NPC1: variants seen among roughly 807,000 people sequenced by gnomAD.
NPC1 encodes the protein NPC intracellular cholesterol transporter 1.
A neutral mutation model predicts 140.4 loss-of-function variants in NPC1; 85 were observed. That is an observed-to-expected ratio of 0.61 (90% CI 0.51 to 0.72). The LOEUF is 0.72. Ranked by LOEUF, NPC1 falls within the 30% of genes least tolerant of loss-of-function variation. The pLI, the probability that NPC1 is intolerant of heterozygous loss-of-function variation, is 0.00. For synonymous variants in NPC1, 656 were observed against 624.8 expected (o/e 1.05, Z -0.74); for missense variants, 1,504 against 1,623.8 (o/e 0.93, Z 1.27).
chr18:23,543,994 T>C (rs2058748632), intron 13 of NPC1, among the ~76,000 whole-genome samples: 1 of 152,212 alleles, frequency 6.6e-6, no homozygotes, highest in Admixed American at 6.5e-5. Context: ...TATACTATGC[T>C]GAACATCATT....
At chr18:23,539,319 A>G in intron 19 of NPC1, 36 bp downstream of exon 19, 1 of 1,487,710 alleles carries the variant, frequency 6.7e-7, no homozygotes, top group South Asian at 1.1e-5. Context: ...AAAATTTTTC[A>G]GCAAAACAGG....
intron 3 of NPC1, among the ~76,000 whole-genome samples, chr18:23,511,893 C>T (rs1023595772): frequency 4.6e-5 from 7 of 151,996 alleles, no homozygotes; most frequent in African/African-American, 7.2e-5. Flanking sequence ...GAACCAGTAT[C>T]GCCAAATTTC....
chr18:23,571,949 A>C (rs537968490), intron 3 of NPC1, 125 bp downstream of exon 3: 1 of 352,870 alleles, frequency 2.8e-6, no homozygotes, highest in Non-Finnish European at 5.2e-6. Context: ...ATAAATATAT[A>C]ATATACATAT....
chr18:23,549,742 C>CTTTTT (rs1000073339), intron 10 of NPC1, among the ~76,000 whole-genome samples: 1 of 138,006 alleles, frequency 7.2e-6, no homozygotes, highest in African/African-American at 2.7e-5. Flanking sequence ...TTTTTCACAA[C>CTTTTT]TTTTTTTTTT....
In NPC1 at chr18:23,533,361, A is replaced by T; in HGVS notation, c.3748T>A (p.Tyr1250Asn). The T allele has an allele frequency of 6.2e-7, 1 of 1,614,062 alleles. No homozygotes were observed. Among genetic ancestry groups the T allele is most frequent in the Non-Finnish European group, 8.5e-7 (1 of 1,179,884 alleles). Residue 1250 changes from tyrosine to asparagine, a missense_variant, in exon 24 of 25, where the codon TAC becomes AAC. Tyr to Asn is a moderately radical substitution (Grantham distance 143, BLOSUM62 -2). Transcript: ENST00000269228. ...TTAAGATGAGAACTCTTACCTATGTAACTGAGTAAGACAGGGAGAAATATT... is the reference window on the plus strand; with the variant it reads ...TTAAGATGAGAACTCTTACCTATGTTACTGAGTAAGACAGGGAGAAATATT... Reference protein sequence around the residue: ...GLIFLPVLLSYIGPSVNKAKS... With the variant: ...GLIFLPVLLSNIGPSVNKAKS...
At chr18:23,507,344 C>T (rs753037137) in intron 3 of NPC1, among the ~76,000 whole-genome samples, 3 of 152,102 alleles carry the variant, frequency 2.0e-5, no homozygotes, top group Non-Finnish European at 1.5e-5. Flanking sequence ...ACTGCAGCCT[C>T]GATCTCTCAG....
At chr18:23,582,058 G>C (rs1226906071) in intron 1 of NPC1, 3 of 152,156 alleles carry the variant, frequency 2.0e-5, no homozygotes, top group Admixed American at 1.3e-4. Flanking sequence ...GGAAAGAGTA[G>C]ATCAAGGAGT....
chr18:23,518,483 G>A (rs2145202176), downstream of NPC1, among the ~76,000 whole-genome samples: 1 of 151,568 alleles, frequency 6.6e-6, no homozygotes, highest in South Asian at 2.1e-4. Flanking sequence ...GACAGAGGGA[G>A]ACCCTGTCTC....
intron 3 of NPC1, among the ~76,000 whole-genome samples, chr18:23,513,176 A>G (rs1598858472): frequency 6.6e-6 from 1 of 151,358 alleles, no homozygotes; most frequent in Non-Finnish European, 1.5e-5. Flanking sequence ...CTGGTCTTGA[A>G]CTCCTGACTT....
chr18:23,573,042 AAC>A (rs150856120), intron 2 of NPC1, among the ~76,000 whole-genome samples: 2,894 of 152,328 alleles, frequency 0.019, 45 homozygotes, highest in Non-Finnish European at 0.032. Context: ...CTCTCAGTGG[AAC>A]ACAGAGAAAA....
At chr18:23,513,453 A>G (rs1177857343) in intron 3 of NPC1, among the ~76,000 whole-genome samples, 1 of 152,218 alleles carries the variant, frequency 6.6e-6, no homozygotes, top group African/African-American at 2.4e-5. Context: ...GTTGAGGGAC[A>G]TTTGGGTTGC....
intron 3 of NPC1, among the ~76,000 whole-genome samples, chr18:23,510,127 A>G (rs991593283): frequency 1.3e-5 from 2 of 151,822 alleles, no homozygotes; most frequent in African/African-American, 4.8e-5. Context: ...GTCTGAGACC[A>G]GCCAGGCCAA....
chr18:23,541,937 A>G (rs1290987075), intron 14 of NPC1, among the ~76,000 whole-genome samples: 1 of 152,184 alleles, frequency 6.6e-6, no homozygotes, highest in Non-Finnish European at 1.5e-5. Context: ...TTTAGCCCAC[A>G]CTGTATCAAC....
At chr18:23,528,740 C>T (rs866690723), downstream of NPC1, 2 of 157,044 alleles carry the variant, frequency 1.3e-5, no homozygotes, top group South Asian at 1.8e-4. Context: ...CCGTCCCACA[C>T]GGTCTGCTGG....
intron 3 of NPC1, among the ~76,000 whole-genome samples, chr18:23,514,557 CAAAA>C (rs879753932): frequency 7.5e-6 from 1 of 133,258 alleles, no homozygotes; most frequent in Admixed American, 7.5e-5. Context: ...AACTCCGTCT[CAAAA>C]AAAAAAAAAA....
chr18:23,559,980 G>A (rs1337970105), intron 6 of NPC1, among the ~76,000 whole-genome samples: 2 of 152,036 alleles, frequency 1.3e-5, no homozygotes, highest in African/African-American at 2.4e-5. Flanking sequence ...AGAATCAGTG[G>A]CTAATGCACA....
At chr18:23,540,670 G>T in intron 16 of NPC1, 133 bp from the exon 17 acceptor site, 1 of 729,254 alleles carries the variant, frequency 1.4e-6, no homozygotes, top group Non-Finnish European at 2.4e-6. Context: ...CTAATAGGGA[G>T]TACAGGGCAG....
chr18:23,544,952 C>CCT lies in NPC1; in HGVS notation c.1947+7_1947+8insAG. On this transcript the variant is annotated splice_region_variant and intron_variant, in intron 12 of 24. Coordinates refer to ENST00000269228, the MANE Select transcript of NPC1 (RefSeq NM_000271.5). ...CTCTAGAACATACACCACCCCCCCCCGGCTTACCAGAAGCCTGCGACAGCT... is the reference window on the plus strand; with the variant it reads ...CTCTAGAACATACACCACCCCCCCCCCTGGCTTACCAGAAGCCTGCGACAGCT... 1 of 1,430,728 alleles carries CCT rather than the reference C, an allele frequency of 7.0e-7. No individual in the cohort carries two copies. The highest frequency in any genetic ancestry group is 9.8e-7 in the Non-Finnish European group (1 of 1,025,420). 88.6% of individuals were successfully genotyped at this position (1,430,728 alleles called of 1,614,324 possible).
downstream of NPC1, chr18:23,518,966 T>A (rs776793684): frequency 2.5e-6 from 4 of 1,614,232 alleles, no homozygotes; most frequent in Admixed American, 6.7e-5. Flanking sequence ...GGTGGTCCTC[T>A]ATCATCTACC....
Sources: allele counts gnomAD v4.1 joint callset (sites outside exome capture counted in the v4.1 genomes callset), GRCh38; gene constraint gnomAD v4.1.1; transcripts MANE v1.5; gene names NCBI Gene and HGNC (gene_info 2026-07-23, HGNC 2026-07-21).